The following IGF1R variants were observed in gnomAD, a reference collection of about 807,000 sequenced individuals.
IGF1R encodes the protein insulin like growth factor 1 receptor, also known as insulin-like growth factor 1 receptor.
A neutral mutation model predicts 144.6 loss-of-function variants in IGF1R; 44 were observed. The ratio of observed to expected loss-of-function variants is 0.30; its 90% CI spans 0.24 to 0.39. The LOEUF (loss-of-function observed/expected upper bound fraction) is 0.39. Among genes scored for constraint, IGF1R ranks in the 10% least tolerant of loss-of-function variants. The pLI, the probability that IGF1R is intolerant of heterozygous loss-of-function variation, is 1.00. For missense variants in IGF1R, 1,355 were observed against 1,833.7 expected (o/e 0.74, Z 4.77); for synonymous variants, 795 against 722.8 (o/e 1.10, Z -1.60).
intron 2 of IGF1R, among the ~76,000 whole-genome samples, chr15:98,813,435 G>T (rs1567141620): frequency 6.6e-6 from 1 of 152,166 alleles, no homozygotes; most frequent in Non-Finnish European, 1.5e-5. Context: ...ACTCCAGCCA[G>T]CTAGTCCTAA....
intron 2 of IGF1R, among the ~76,000 whole-genome samples, chr15:98,870,971 G>A (rs1420668726): frequency 6.6e-6 from 1 of 152,256 alleles, no homozygotes; most frequent in Admixed American, 6.5e-5. Context: ...TGAGAACTGG[G>A]CAGTCTGACG....
At chr15:98,702,477 A>G (rs1426829625) in intron 1 of IGF1R, among the ~76,000 whole-genome samples, 1 of 152,120 alleles carries the variant, frequency 6.6e-6, no homozygotes, top group East Asian at 1.9e-4. Context: ...CAGCCACCCA[A>G]GTAGCTGGGA....
intron 2 of IGF1R, among the ~76,000 whole-genome samples, chr15:98,876,785 C>T (rs2013084084): frequency 6.6e-6 from 1 of 152,028 alleles, no homozygotes; most frequent in South Asian, 2.1e-4. Context: ...TCTCATGAGG[C>T]TTATGTGGTA....
At chr15:98,898,458 G>A (rs1051925210) in intron 4 of IGF1R, among the ~76,000 whole-genome samples, 2 of 152,190 alleles carry the variant, frequency 1.3e-5, no homozygotes, top group African/African-American at 4.8e-5. Flanking sequence ...CTTGACTAAG[G>A]CATGCTTCCT....
intron 19 of IGF1R, among the ~76,000 whole-genome samples, chr15:98,948,308 AC>A (rs965953118): frequency 5.3e-5 from 8 of 152,064 alleles, no homozygotes; most frequent in Non-Finnish European, 7.4e-5. Flanking sequence ...GGGCTTCCTG[AC>A]CGTGCAAGGG....
At chr15:98,897,311 G>A (rs1246312796) in intron 4 of IGF1R, 1 of 207,584 alleles carries the variant, frequency 4.8e-6, no homozygotes, top group East Asian at 1.2e-4. Context: ...TTACTGAGAA[G>A]ACTGAGCAAA....
At chr15:98,737,621 C>T (rs1453134877) in intron 2 of IGF1R, among the ~76,000 whole-genome samples, 1 of 152,160 alleles carries the variant, frequency 6.6e-6, no homozygotes, top group Non-Finnish European at 1.5e-5. Context: ...CGAAAAGTTA[C>T]CTTGTTCTCA....
At chr15:98,922,056 C>T (rs2684806) in intron 10 of IGF1R, 92 bp from the exon 11 acceptor site, 514,555 of 1,401,518 alleles carry the variant, frequency 0.37, 100,836 homozygotes, top group Middle Eastern at 0.52. Flanking sequence ...TTCTATTCCA[C>T]GGTTAAGATT....
At chr15:98,923,689 A>T in intron 11 of IGF1R, 187 bp from the exon 12 acceptor site, 1 of 610,504 alleles carries the variant, frequency 1.6e-6, no homozygotes, top group Non-Finnish European at 3.0e-6. Flanking sequence ...CAGCCCGCTC[A>T]GGGGCAGTGT....
intron 10 of IGF1R, among the ~76,000 whole-genome samples, chr15:98,921,077 G>T (rs2151689276): frequency 6.6e-6 from 1 of 152,288 alleles, no homozygotes; most frequent in African/African-American, 2.4e-5. Context: ...TGGGCAGATA[G>T]AATTCATCCC....
Position 98,741,068 on chromosome 15 carries a change from G to A in IGF1R, c.640+32961G>A, listed in dbSNP as rs185204544. Among the ~76,000 whole-genome samples, 137 of 152,118 alleles carry A rather than the reference G, an allele frequency of 9.0e-4. 1 individual carries two copies. Among genetic ancestry groups the A allele is most frequent in the Non-Finnish European group, 1.2e-3 (82 of 67,986 alleles). ...ATTTTATTTTTTTAAAAAGCTTTAC[G>A]CTGTGTAAATTGTGGGTTGACTTCA... On this transcript the variant is annotated intron_variant, in intron 2 of 20. Coordinates refer to ENST00000650285, the MANE Select transcript of IGF1R (RefSeq NM_000875.5).
At chr15:98,736,793 G>A (rs1409216994) in intron 2 of IGF1R, among the ~76,000 whole-genome samples, 2 of 151,860 alleles carry the variant, frequency 1.3e-5, no homozygotes, top group Non-Finnish European at 2.9e-5. Context: ...TTGTATTTTA[G>A]TAGAGACGAC....
chr15:98,736,647 T>C (rs1301847250), intron 2 of IGF1R, among the ~76,000 whole-genome samples: 1 of 151,604 alleles, frequency 6.6e-6, no homozygotes, highest in East Asian at 1.9e-4. Flanking sequence ...AGTTTCACTT[T>C]ATTGTCCAGG....
At chr15:98,881,600 G>A (rs2013383462) in intron 2 of IGF1R, among the ~76,000 whole-genome samples, 1 of 152,210 alleles carries the variant, frequency 6.6e-6, no homozygotes, top group South Asian at 2.1e-4. Flanking sequence ...TGGGATTACA[G>A]GCGTGAGCCA....
At chr15:98,708,753 G>T (rs1459341795) in intron 2 of IGF1R, among the ~76,000 whole-genome samples, 1 of 152,198 alleles carries the variant, frequency 6.6e-6, no homozygotes, top group Admixed American at 6.5e-5. Context: ...GCAGGTAGCT[G>T]TGTAGCAGGG....
At chr15:98,797,271 G>A (rs1429787049) in intron 2 of IGF1R, among the ~76,000 whole-genome samples, 2 of 152,192 alleles carry the variant, frequency 1.3e-5, no homozygotes, top group African/African-American at 4.8e-5. Flanking sequence ...TGGCCCCTGG[G>A]CTGCAGCCCG....
chr15:98,799,894 G>A (rs1014258345), intron 2 of IGF1R, among the ~76,000 whole-genome samples: 1 of 152,206 alleles, frequency 6.6e-6, no homozygotes, highest in African/African-American at 2.4e-5. Context: ...TCTCTGGAGA[G>A]AATTTATGTA....
intron 17 of IGF1R, among the ~76,000 whole-genome samples, chr15:98,938,167 T>C (rs1348629173): frequency 1.3e-5 from 2 of 152,238 alleles, no homozygotes; most frequent in East Asian, 1.9e-4. Flanking sequence ...CTGGGCACTT[T>C]CTGTGCGTGG....
intron 18 of IGF1R, among the ~76,000 whole-genome samples, chr15:98,939,658 A>C (rs934610806): frequency 1.3e-5 from 2 of 152,246 alleles, no homozygotes; most frequent in African/African-American, 4.8e-5. Context: ...TACAGAAATA[A>C]TTAAGACAAT....
Sources: gnomAD v4.1 joint callset for allele counts (sites outside exome capture counted in the v4.1 genomes callset) on GRCh38, gnomAD v4.1.1 for gene constraint, MANE v1.5 for transcripts, NCBI Gene and HGNC (gene_info 2026-07-23, HGNC 2026-07-21) for gene names.